HABP2: variants seen among roughly 807,000 people sequenced by gnomAD.
HABP2 encodes factor VII-activating protease.
A neutral mutation model predicts 66.5 loss-of-function variants in HABP2; 65 were observed. The observed-to-expected ratio is 0.98, with a 90% CI of 0.80 to 1.20. The LOEUF is 1.20. Ranked by LOEUF, HABP2 falls within the 50% of genes most tolerant of loss-of-function variation. The pLI, the probability that HABP2 is intolerant of heterozygous loss-of-function variation, is 0.00. For missense variants in HABP2, 786 were observed against 691.0 expected (o/e 1.14, Z -1.54); for synonymous variants, 263 against 253.9 (o/e 1.04, Z -0.34).
At chr10:113,557,983 C>T (rs944799280) in intron 1 of HABP2, among the ~76,000 whole-genome samples, 1 of 152,232 alleles carries the variant, frequency 6.6e-6, no homozygotes, top group Admixed American at 6.5e-5. Context: ...GTCTGCCCAA[C>T]GCCTAGTTCT....
intron 9 of HABP2, 102 bp downstream of exon 9, chr10:113,582,233 G>C: frequency 8.4e-7 from 1 of 1,187,820 alleles, no homozygotes; most frequent in Non-Finnish European, 1.2e-6. Flanking sequence ...AGGATTAGGG[G>C]GTCTGATCTG....
intron 2 of HABP2, among the ~76,000 whole-genome samples, chr10:113,573,976 A>T (rs113607604): frequency 1.2e-4 from 19 of 152,312 alleles, no homozygotes; most frequent in African/African-American, 4.1e-4. Flanking sequence ...TCAAGACTTG[A>T]TAATACAGTT....
chr10:113,551,189 G>T (rs1002055046), upstream of HABP2, among the ~76,000 whole-genome samples: 1 of 152,166 alleles, frequency 6.6e-6, no homozygotes. Flanking sequence ...TCCAGTGCTG[G>T]GCATCTATGC....
chr10:113,571,225 G>C (rs1274242776), intron 2 of HABP2, among the ~76,000 whole-genome samples: 1 of 152,160 alleles, frequency 6.6e-6, no homozygotes, highest in East Asian at 1.9e-4. Context: ...ATCTTGACTG[G>C]GCTTGCTCAT....
At chr10:113,558,172 C>T (rs1351215790) in intron 1 of HABP2, among the ~76,000 whole-genome samples, 1 of 152,182 alleles carries the variant, frequency 6.6e-6, no homozygotes, top group Non-Finnish European at 1.5e-5. Context: ...GCTTTGCTTT[C>T]CCTTTGCTTT....
chr10:113,584,219 C>G lies in HABP2; in HGVS notation c.1309C>G (p.Pro437Ala), dbSNP rs969535570. Residue 437 changes from proline (P) to alanine (A), a missense_variant, in exon 11 of 13, where the codon CCT (proline) becomes GCT (alanine). Coordinates refer to ENST00000351270, the MANE Select transcript of HABP2 (RefSeq NM_004132.5). The stretch of plus-strand genomic sequence containing the variant: ...CAAATACGTGAAGACTGTGTGCTTG[C>G]CTGATGGGTCCTTTCCCTCTGGGAG... ...ESKYVKTVCL[P>A]DGSFPSGSEC... 1 of 1,613,302 alleles carries G rather than the reference C, an allele frequency of 6.2e-7. No homozygotes were observed. Among genetic ancestry groups the G allele is most frequent in the African/African-American group, 1.3e-5 (1 of 74,924 alleles).
intron 1 of HABP2, 76 bp downstream of exon 1, chr10:113,553,266 A>T: frequency 9.2e-7 from 1 of 1,083,740 alleles, no homozygotes; most frequent in South Asian, 1.3e-5. Flanking sequence ...GCTGGGAGTG[A>T]TGAGAAACTT....
chr10:113,562,913 A>G (rs1282917024), intron 1 of HABP2, among the ~76,000 whole-genome samples: 2 of 152,224 alleles, frequency 1.3e-5, no homozygotes, highest in Non-Finnish European at 2.9e-5. Context: ...ATGGTGACTA[A>G]GAGCAAGGAC....
chr10:113,579,712 G>T (rs1382115416), intron 7 of HABP2, among the ~76,000 whole-genome samples: 1 of 152,068 alleles, frequency 6.6e-6, no homozygotes, highest in Non-Finnish European at 1.5e-5. Flanking sequence ...CAGGTGAGGG[G>T]GTCTTTGTAT....
At chr10:113,563,850 G>A (rs1845146493) in intron 1 of HABP2, among the ~76,000 whole-genome samples, 1 of 152,152 alleles carries the variant, frequency 6.6e-6, no homozygotes, top group South Asian at 2.1e-4. Context: ...ATCTCCAAAG[G>A]ACTGGGTGGA....
intron 2 of HABP2, among the ~76,000 whole-genome samples, chr10:113,570,489 T>C (rs1217451373): frequency 6.6e-6 from 1 of 152,250 alleles, no homozygotes; most frequent in Non-Finnish European, 1.5e-5. Context: ...CTCCTCCCTT[T>C]TCTATAGCCT....
Position 113,588,445 on chromosome 10 carries a change from C to A in HABP2, c.*76C>A. 1 of 1,149,470 alleles carries A rather than the reference C, an allele frequency of 8.7e-7. No individual in the cohort carries two copies. Among genetic ancestry groups the A allele is most frequent in the South Asian group, 1.5e-5 (1 of 66,854 alleles). The allele number at this position is 1,149,470 out of a possible 1,614,324, so 71.2% of individuals were successfully genotyped here. On this transcript the variant is annotated 3_prime_UTR_variant, in exon 13 of 13. Coordinates refer to ENST00000351270, the MANE Select transcript of HABP2 (RefSeq NM_004132.5). Reference sequence around the variant, plus strand: ...GGGAGGCCTCATGGCCAACAATGGACACCTCCAGAGCCTCCAGGGGACCAC... The same window carrying A: ...GGGAGGCCTCATGGCCAACAATGGAAACCTCCAGAGCCTCCAGGGGACCAC...
intron 2 of HABP2, among the ~76,000 whole-genome samples, chr10:113,569,385 C>T (rs1845260578): frequency 6.6e-6 from 1 of 152,204 alleles, no homozygotes; most frequent in South Asian, 2.1e-4. Context: ...AAAAACATCC[C>T]TGTTCAGTGT....
At chr10:113,567,613 G>T (rs1345621005) in intron 2 of HABP2, 88 bp downstream of exon 2, 2 of 974,388 alleles carry the variant, frequency 2.1e-6, no homozygotes, top group South Asian at 1.3e-5. Flanking sequence ...GGAAGTGTTG[G>T]AGGGACCTCA....
At chr10:113,584,432 T>C (rs572342295) in intron 11 of HABP2, 150 bp downstream of exon 11, 111 of 687,344 alleles carry the variant, frequency 1.6e-4, no homozygotes, top group Admixed American at 8.4e-4. Context: ...GATCAAGCTC[T>C]GGTTAAATTC....
At chr10:113,585,228 G>A (rs1248597445) in intron 11 of HABP2, among the ~76,000 whole-genome samples, 1 of 152,154 alleles carries the variant, frequency 6.6e-6, no homozygotes, top group Non-Finnish European at 1.5e-5. Flanking sequence ...AATATGGTCT[G>A]GTCAGCATGG....
At chr10:113,577,752 G>A (rs1328737468) in intron 5 of HABP2, among the ~76,000 whole-genome samples, 6 of 152,200 alleles carry the variant, frequency 3.9e-5, no homozygotes, top group Non-Finnish European at 7.3e-5. Context: ...CTCCTGCTCC[G>A]TCCATGCTTC....
intron 1 of HABP2, among the ~76,000 whole-genome samples, chr10:113,554,016 G>A (rs985527677): frequency 1.3e-5 from 2 of 152,154 alleles, no homozygotes; most frequent in African/African-American, 2.4e-5. Context: ...GCCAGGGTTC[G>A]AATCTCAGCT....
At chr10:113,555,877 G>C (rs2133738500) in intron 1 of HABP2, among the ~76,000 whole-genome samples, 1 of 152,270 alleles carries the variant, frequency 6.6e-6, no homozygotes. Context: ...ATAAGGCGTG[G>C]ACTGTCTTAG....
Sources: gnomAD v4.1 joint callset for allele counts (sites outside exome capture counted in the v4.1 genomes callset) on GRCh38, gnomAD v4.1.1 for gene constraint, MANE v1.5 for transcripts, NCBI Gene and HGNC (gene_info 2026-07-23, HGNC 2026-07-21) for gene names.